The following SLC16A12 variants were observed in gnomAD, a reference collection of about 807,000 sequenced individuals.
SLC16A12 encodes the protein monocarboxylate transporter 12.
SLC16A12 carries 17 observed loss-of-function variants against 42.4 expected under a neutral mutation model. That is an observed-to-expected ratio of 0.40 (90% CI 0.27 to 0.60). SLC16A12 has a LOEUF of 0.60. Ranked by LOEUF, SLC16A12 falls within the 20% of genes least tolerant of loss-of-function variation. SLC16A12 has a pLI of 0.42. For synonymous variants in SLC16A12, 224 were observed against 229.4 expected, an observed-to-expected ratio of 0.98 and a Z score of 0.21; for missense variants, 544 against 623.0, an observed-to-expected ratio of 0.87 and a Z score of 1.35.
intron 2 of SLC16A12, among the ~76,000 whole-genome samples, chr10:89,524,350 T>C (rs1367652906): frequency 6.6e-6 from 1 of 152,204 alleles, no homozygotes; most frequent in African/African-American, 2.4e-5. Flanking sequence ...TGGTGCGATG[T>C]ACCAGACCCT....
chr10:89,438,580 C>G (rs1412599971), intron 6 of SLC16A12, 24 bp downstream of exon 6: 1 of 1,609,224 alleles, frequency 6.2e-7, no homozygotes, highest in East Asian at 2.2e-5. Flanking sequence ...GGTGGGGAAC[C>G]AATTGTGGTT....
At chr10:89,509,458 T>C (rs778721014) in intron 2 of SLC16A12, among the ~76,000 whole-genome samples, 8 of 152,198 alleles carry the variant, frequency 5.3e-5, no homozygotes, top group East Asian at 1.9e-4. Context: ...TCAATAAATG[T>C]AATCCATCAC....
intron 2 of SLC16A12, among the ~76,000 whole-genome samples, chr10:89,464,252 C>A (rs143306495): frequency 2.2e-4 from 34 of 152,262 alleles, no homozygotes; most frequent in African/African-American, 8.2e-4. Flanking sequence ...CTAAATTGAG[C>A]CTCCAGTTAA....
At chr10:89,438,340 G>A (rs1047629206) in intron 6 of SLC16A12, among the ~76,000 whole-genome samples, 1 of 152,230 alleles carries the variant, frequency 6.6e-6, no homozygotes, top group African/African-American at 2.4e-5. Flanking sequence ...CATATTGTCT[G>A]TGGCTGTTTT....
At chr10:89,521,489 G>A (rs1170770033) in intron 2 of SLC16A12, among the ~76,000 whole-genome samples, 1 of 152,180 alleles carries the variant, frequency 6.6e-6, no homozygotes, top group Non-Finnish European at 1.5e-5. Flanking sequence ...CTGTACAAAG[G>A]AAACACATAT....
chr10:89,539,460 A>G (rs1428989269), upstream of SLC16A12, among the ~76,000 whole-genome samples: 4 of 152,188 alleles, frequency 2.6e-5, no homozygotes, highest in East Asian at 3.8e-4. Flanking sequence ...CTATTGCACC[A>G]TGGTTCAGTG....
At chr10:89,434,015 T>A (rs754089776) in intron 7 of SLC16A12, among the ~76,000 whole-genome samples, 20 of 152,324 alleles carry the variant, frequency 1.3e-4, no homozygotes, top group Non-Finnish European at 2.5e-4. Context: ...ATTTTATAAT[T>A]AACAAAGGTT....
intron 2 of SLC16A12, among the ~76,000 whole-genome samples, chr10:89,502,509 C>T (rs1011980417): frequency 2.0e-5 from 3 of 152,108 alleles, no homozygotes; most frequent in African/African-American, 7.2e-5. Context: ...CAACTGAGAA[C>T]TAGATCTTGC....
chr10:89,448,984 T>C (rs1842047583), intron 3 of SLC16A12, among the ~76,000 whole-genome samples: 1 of 152,134 alleles, frequency 6.6e-6, no homozygotes, highest in African/African-American at 2.4e-5. Context: ...GAGAGCCAAA[T>C]TATGAGTGAA....
chr10:89,529,492 G>A (rs1260576226), intron 2 of SLC16A12, among the ~76,000 whole-genome samples: 1 of 151,122 alleles, frequency 6.6e-6, no homozygotes, highest in Admixed American at 6.6e-5. Flanking sequence ...GGAAACAGTT[G>A]CTGATTTTTA....
intron 2 of SLC16A12, among the ~76,000 whole-genome samples, chr10:89,464,245 A>G (rs926400195): frequency 2.0e-5 from 3 of 152,100 alleles, no homozygotes; most frequent in African/African-American, 7.2e-5. Context: ...TTTTCCCCTA[A>G]ATTGAGCCTC....
intron 2 of SLC16A12, among the ~76,000 whole-genome samples, chr10:89,521,700 G>T (rs2133855722): frequency 6.6e-6 from 1 of 152,246 alleles, no homozygotes; most frequent in East Asian, 1.9e-4. Context: ...AATGAAAGAG[G>T]GAGGAGGAGG....
At position 89,432,034 on chromosome 10, in the gene SLC16A12, T is replaced by C. The variant is rs1366073869; in HGVS notation, c.*1030A>G. 6.6e-6 allele frequency: 1 copy of C among 152,640 alleles called. No homozygotes were observed. The allele number at this position is 152,640 out of a possible 1,614,324, so 9.5% of individuals were successfully genotyped here. On this transcript the variant is annotated 3_prime_UTR_variant, in exon 8 of 8. Transcript: ENST00000371790. ...ATCCTCTTTTGGGTAATGATAAAACTAAATGTCTGATCTGCAAAGAAAACT... is the reference window on the plus strand; with the variant it reads ...ATCCTCTTTTGGGTAATGATAAAACCAAATGTCTGATCTGCAAAGAAAACT...
At chr10:89,484,664 G>A (rs926810542) in intron 2 of SLC16A12, among the ~76,000 whole-genome samples, 1 of 152,122 alleles carries the variant, frequency 6.6e-6, no homozygotes, top group Non-Finnish European at 1.5e-5. Context: ...GTGTAGCTCC[G>A]AAGCCTGTGC....
intron 2 of SLC16A12, among the ~76,000 whole-genome samples, chr10:89,530,926 G>T (rs1843541034): frequency 6.6e-6 from 1 of 152,076 alleles, no homozygotes. Context: ...ACAACATGTG[G>T]TCTTTGTATC....
At chr10:89,444,733 G>A (rs1189021474) in intron 3 of SLC16A12, among the ~76,000 whole-genome samples, 2 of 152,190 alleles carry the variant, frequency 1.3e-5, no homozygotes, top group Non-Finnish European at 2.9e-5. Flanking sequence ...GAGGTACCTG[G>A]TTCATCTCAC....
chr10:89,469,450 A>G (rs1211499514), intron 2 of SLC16A12, among the ~76,000 whole-genome samples: 3 of 152,236 alleles, frequency 2.0e-5, no homozygotes, highest in Admixed American at 2.0e-4. Context: ...TGCCCACAGT[A>G]AAGTTTTCTG....
rs1415383653 is a variant in SLC16A12 at position 89,432,500 on chromosome 10, AT to A, written c.*563del. ...AAAAAAAATAAGAGTTTCTTTCTATATTAATCACCACTTTTTGAAGAATCTC... is the reference window on the plus strand; with the variant it reads ...AAAAAAAATAAGAGTTTCTTTCTATATAATCACCACTTTTTGAAGAATCTC... On this transcript the variant is annotated 3_prime_UTR_variant, in exon 8 of 8. Coordinates refer to ENST00000371790, the MANE Select transcript of SLC16A12 (RefSeq NM_213606.4). 2 of 152,468 alleles carry A rather than the reference AT, an allele frequency of 1.3e-5. No homozygotes were observed. The highest frequency in any genetic ancestry group is 1.3e-4 in the Admixed American group (2 of 15,300). The allele number at this position is 152,468 out of a possible 1,614,324, so 9.4% of individuals were successfully genotyped here. A position where few individuals can be genotyped will look rare whatever the true frequency, so the allele number is the denominator to read the frequency against.
At chr10:89,477,388 A>G (rs917827375) in intron 2 of SLC16A12, among the ~76,000 whole-genome samples, 1 of 152,040 alleles carries the variant, frequency 6.6e-6, no homozygotes, top group Non-Finnish European at 1.5e-5. Flanking sequence ...AACATGGAGG[A>G]ACCCCATCTC....
Sources: gnomAD v4.1 joint callset for allele counts (sites outside exome capture counted in the v4.1 genomes callset) on GRCh38, gnomAD v4.1.1 for gene constraint, MANE v1.5 for transcripts, NCBI Gene and HGNC (gene_info 2026-07-23, HGNC 2026-07-21) for gene names.